The following SPRED2 variants were observed in gnomAD, a reference collection of about 807,000 sequenced individuals.
SPRED2 encodes the protein sprouty-related, EVH1 domain-containing protein 2.
SPRED2 carries 47 observed loss-of-function variants against 43.0 expected under a neutral mutation model. The observed-to-expected ratio is 1.09, with a 90% confidence interval of 0.87 to 1.40. The LOEUF (loss-of-function observed/expected upper bound fraction) is 1.40, where lower values mean the gene tolerates loss of function less well. Among genes scored for constraint, SPRED2 ranks in the 40% most tolerant of loss-of-function variants. The probability of loss-of-function intolerance (pLI) is 0.00; values close to 1 mark genes in which losing one functional copy is unlikely to be tolerated. For missense variants in SPRED2, 561 were observed against 586.4 expected (o/e 0.96, Z 0.45); for synonymous variants, 225 against 225.7 (o/e 1.00, Z 0.03).
chr2:65,359,959 G>A (rs1381468854), intron 1 of SPRED2, among the ~76,000 whole-genome samples: 1 of 151,392 alleles, frequency 6.6e-6, no homozygotes, highest in Non-Finnish European at 1.5e-5. Context: ...CAGCTACTCG[G>A]GAGCCTGGGG....
At chr2:65,383,904 G>C (rs1344249222) in intron 1 of SPRED2, among the ~76,000 whole-genome samples, 2 of 152,182 alleles carry the variant, frequency 1.3e-5, no homozygotes, top group East Asian at 1.9e-4. Flanking sequence ...TGAAGCTCTC[G>C]ATACTGACAA....
intron 5 of SPRED2, among the ~76,000 whole-genome samples, chr2:65,315,921 G>A (rs1673219391): frequency 6.6e-6 from 1 of 152,216 alleles, no homozygotes; most frequent in African/African-American, 2.4e-5. Context: ...GCCTCCCAAA[G>A]GGCTGGGATT....
At chr2:65,393,326 C>CTTTTTTTTTTTTT (rs55696467) in intron 1 of SPRED2, among the ~76,000 whole-genome samples, 1 of 141,692 alleles carries the variant, frequency 7.1e-6, no homozygotes, top group African/African-American at 2.6e-5. Flanking sequence ...AATCATAAGG[C>CTTTTTTTTTTTTT]TTTTTTTTTT....
chr2:65,411,364 T>C (rs1676155171), intron 1 of SPRED2, among the ~76,000 whole-genome samples: 1 of 152,156 alleles, frequency 6.6e-6, no homozygotes, highest in Admixed American at 6.5e-5. Flanking sequence ...GGCGATTGAA[T>C]TGGTTGCAAA....
At position 65,359,211 on chromosome 2, in the gene SPRED2, C is replaced by T. The variant is rs145194800; in HGVS notation, c.27-14315G>A. Reference sequence around the variant, plus strand: ...ACACAGAGGGACAGGATTTGTCCTACAAGCGCAATTTCCTTCCGAGTTATA... The same window carrying T: ...ACACAGAGGGACAGGATTTGTCCTATAAGCGCAATTTCCTTCCGAGTTATA... On this transcript the variant is annotated intron_variant, in intron 1 of 5. Transcript: ENST00000356388. 2.2e-4 allele frequency among the ~76,000 whole-genome samples: 33 copies of T among 152,288 alleles called. 1 individual carries two copies. Among genetic ancestry groups the T allele is most frequent in the African/African-American group, 7.7e-4 (32 of 41,564 alleles).
intron 4 of SPRED2, among the ~76,000 whole-genome samples, chr2:65,324,770 T>C (rs1239139623): frequency 6.6e-6 from 1 of 152,108 alleles, no homozygotes; most frequent in Non-Finnish European, 1.5e-5. Context: ...AATTGTCCAT[T>C]CTGGGATGGA....
rs79002296 is a variant in SPRED2 at position 65,379,527 on chromosome 2, G to A, written c.27-34631C>T. ...TTCTTGTGGCAAAAAGATAGATTCT[G>A]GTGTCATTCTCAGAGCCTGGGAGAG... On this transcript the variant is annotated intron_variant, in intron 1 of 5. Transcript: ENST00000356388. Among the ~76,000 whole-genome samples the A allele has an allele frequency of 3.9e-5, 6 of 152,264 alleles. No individual in the cohort carries two copies. The East Asian group carries it at 1.2e-3, about 29-fold the overall frequency.
At chr2:65,377,545 G>C in intron 1 of SPRED2, 1 of 471,106 alleles carries the variant, frequency 2.1e-6, no homozygotes, top group Admixed American at 2.3e-5. Context: ...GTCTCATAGA[G>C]GGGGAACACT....
chr2:65,330,193 G>A (rs567206057), intron 4 of SPRED2, among the ~76,000 whole-genome samples: 2 of 152,218 alleles, frequency 1.3e-5, no homozygotes, highest in Non-Finnish European at 2.9e-5. Context: ...TTTGAGGGTT[G>A]GAGCCATGGC....
chr2:65,358,171 C>T (rs1674711718), intron 1 of SPRED2, among the ~76,000 whole-genome samples: 1 of 152,166 alleles, frequency 6.6e-6, no homozygotes, highest in Admixed American at 6.5e-5. Context: ...GATATGTTCT[C>T]TCAGTGCCAG....
At chr2:65,322,948 A>G (rs920972056) in intron 4 of SPRED2, among the ~76,000 whole-genome samples, 10 of 152,180 alleles carry the variant, frequency 6.6e-5, no homozygotes, top group Admixed American at 5.9e-4. Context: ...CCTCAGATAC[A>G]TTCTACCGGT....
chr2:65,323,970 G>C (rs530082122), intron 4 of SPRED2, among the ~76,000 whole-genome samples: 5 of 152,040 alleles, frequency 3.3e-5, no homozygotes, highest in African/African-American at 1.2e-4. Context: ...ATGTTGTTGG[G>C]GGAGATGCCA....
At chr2:65,390,450 G>A (rs1056879407) in intron 1 of SPRED2, among the ~76,000 whole-genome samples, 4 of 152,146 alleles carry the variant, frequency 2.6e-5, no homozygotes, top group African/African-American at 7.2e-5. Context: ...TAACAGCATC[G>A]TTACTGTTGA....
intron 1 of SPRED2, among the ~76,000 whole-genome samples, chr2:65,382,676 A>G (rs1022539149): frequency 2.6e-5 from 4 of 152,262 alleles, no homozygotes; most frequent in Non-Finnish European, 5.9e-5. Context: ...CAAGATATCT[A>G]AAATATTTGT....
Position 65,339,500 on chromosome 2 carries a change from G to C in SPRED2, c.205-4727C>G, listed in dbSNP as rs558060594. On this transcript the variant is annotated intron_variant, in intron 2 of 5. Transcript: ENST00000356388. ...ATGGATTAAGGGCGGTGCAAGATGT[G>C]CTTTGTTAAACAGATGCTTGAAGGC... Among the ~76,000 whole-genome samples, 19 of 151,068 alleles carry C rather than the reference G, an allele frequency of 1.3e-4. No individual in the cohort carries two copies. In the East Asian group the frequency reaches 3.5e-3, roughly 28 times the overall value.
chr2:65,362,382 G>A (rs1257097247), intron 1 of SPRED2, among the ~76,000 whole-genome samples: 1 of 151,960 alleles, frequency 6.6e-6, no homozygotes, highest in African/African-American at 2.4e-5. Context: ...CCATTCTCCT[G>A]CCTCAGCCTC....
At chr2:65,418,978 A>T (rs1022659583) in intron 1 of SPRED2, among the ~76,000 whole-genome samples, 2 of 152,162 alleles carry the variant, frequency 1.3e-5, no homozygotes, top group Non-Finnish European at 2.9e-5. Context: ...GAATCCTTAA[A>T]TATTACTTTA....
At chr2:65,412,667 T>A (rs1377973267) in intron 1 of SPRED2, among the ~76,000 whole-genome samples, 1 of 152,280 alleles carries the variant, frequency 6.6e-6, no homozygotes, top group South Asian at 2.1e-4. Context: ...AGCAACCAGT[T>A]TGAAGACCCC....
intron 4 of SPRED2, 68 bp from the exon 5 acceptor site, chr2:65,316,951 G>T: frequency 6.7e-7 from 1 of 1,500,700 alleles, no homozygotes; most frequent in South Asian, 1.2e-5. Flanking sequence ...AGCAAACCCT[G>T]ACATGCACTA....
Sources: gnomAD v4.1 joint callset for allele counts (sites outside exome capture counted in the v4.1 genomes callset) on GRCh38, gnomAD v4.1.1 for gene constraint, MANE v1.5 for transcripts, NCBI Gene and HGNC (gene_info 2026-07-23, HGNC 2026-07-21) for gene names.